Variants in DHX15 observed in about 807,000 individuals in gnomAD.
The protein encoded by DHX15 is ATP-dependent RNA helicase DHX15.
A neutral mutation model predicts 94.4 loss-of-function variants in DHX15; 11 were observed. That is an observed-to-expected ratio of 0.12 (90% CI 0.07 to 0.19). The LOEUF (loss-of-function observed/expected upper bound fraction) is 0.19. DHX15 is among the 10% of genes least tolerant of loss of function. DHX15 has a pLI of 1.00. For missense variants in DHX15, 304 were observed against 988.5 expected (o/e 0.31, Z 9.29); for synonymous variants, 338 against 329.9 (o/e 1.02, Z -0.27).
At position 24,543,035 on chromosome 4, in the gene DHX15, A is replaced by C; in HGVS notation, c.1249-9T>G. The C allele has an allele frequency of 6.3e-7, 1 of 1,580,226 alleles. No individual in the cohort carries two copies. Among genetic ancestry groups the C allele is most frequent in the East Asian group, 2.2e-5 (1 of 44,548 alleles). ...TTAGTTGACACAACTACCTGTTAAG[A>C]AATAGAGTATATAAATTATATTACA... is the stretch of plus-strand genomic sequence containing the variant. On this transcript the variant is annotated splice_polypyrimidine_tract_variant and intron_variant, in intron 6 of 13. Coordinates refer to ENST00000336812, the MANE Select transcript of DHX15 (RefSeq NM_001358.3).
chr4:24,560,074 T>C (rs1311731159), intron 3 of DHX15, among the ~76,000 whole-genome samples: 3 of 152,142 alleles, frequency 2.0e-5, no homozygotes, highest in African/African-American at 7.2e-5. Context: ...AACAGGCACA[T>C]GTAGATGGCG....
Position 24,584,204 on chromosome 4 carries a change from C to G in DHX15, c.71+119G>C. On this transcript the variant is annotated intron_variant, in intron 1 of 13. Coordinates refer to ENST00000336812, the MANE Select transcript of DHX15 (RefSeq NM_001358.3). ...CCTACCCGCCGCTAGTGAACCCAGC[C>G]CAGAGAGAAACAAAGGCTCGGGCTC... is the stretch of plus-strand genomic sequence containing the variant. 8 of 1,104,188 alleles carry G rather than the reference C, an allele frequency of 7.2e-6. No homozygotes were observed. The South Asian group carries it at 9.5e-5, about 13-fold the overall frequency. The allele number at this position is 1,104,188 out of a possible 1,614,324, so 68.4% of individuals were successfully genotyped here.
At chr4:24,580,751 C>T (rs1722392378) in intron 1 of DHX15, 1 of 152,066 alleles carries the variant, frequency 6.6e-6, no homozygotes, top group Non-Finnish European at 1.5e-5. Flanking sequence ...CTCCTGACCT[C>T]AGGTGATCCA....
chr4:24,545,870 A>G (rs1243254775), intron 6 of DHX15, among the ~76,000 whole-genome samples: 1 of 152,220 alleles, frequency 6.6e-6, no homozygotes, highest in Non-Finnish European at 1.5e-5. Context: ...AAGAGCCTTA[A>G]AAAGTGTTCA....
In DHX15 at chr4:24,547,893, G is replaced by GTA. The variant is rs1403248233; in HGVS notation, c.1248+960_1248+961dup. On this transcript the variant is annotated intron_variant, in intron 6 of 13. Transcript: ENST00000336812. ...TCTCTCTCTCTCTCTCTCTCTCTAT[G>GTA]TATGTATGTGTATATATATATATAT... 7.3e-4 allele frequency among the ~76,000 whole-genome samples: 49 copies of GTA among 66,716 alleles called. 3 individuals carry two copies. Among genetic ancestry groups the GTA allele is most frequent in the South Asian group, 2.8e-3 (4 of 1,450 alleles). The allele number at this position is 66,716 out of a possible 152,430, so 43.8% of individuals were successfully genotyped here. A position where few individuals can be genotyped will look rare whatever the true frequency, so the allele number is the denominator to read the frequency against.
intron 10 of DHX15, among the ~76,000 whole-genome samples, chr4:24,539,483 CTTAGCTTAATGGTCCAATTTTACAAAA>C (rs1177375236): frequency 6.6e-6 from 1 of 151,944 alleles, no homozygotes; most frequent in African/African-American, 2.4e-5. Flanking sequence ...GCATTATTTC[CTTAGCTTAATGGTCCAATTTTACAAAA>C]TTAGCGATTT....
chr4:24,542,375 G>A (rs1050658247), intron 7 of DHX15, among the ~76,000 whole-genome samples: 3 of 152,016 alleles, frequency 2.0e-5, no homozygotes, highest in Non-Finnish European at 4.4e-5. Flanking sequence ...TTCAAAACTC[G>A]ACGGTCTGAG....
Position 24,552,352 on chromosome 4 carries a change from T to G in DHX15, c.1080+2373A>C, listed in dbSNP as rs377164414. Among the ~76,000 whole-genome samples the G allele has an allele frequency of 5.3e-5, 8 of 152,272 alleles. No homozygotes were observed. In the East Asian group the frequency reaches 1.2e-3, roughly 22 times the overall value. On this transcript the variant is annotated intron_variant, in intron 5 of 13. Coordinates refer to ENST00000336812, the MANE Select transcript of DHX15 (RefSeq NM_001358.3). ...ACTCACTGCATGTTGAAAAAAAAAT[T>G]TACTAAGCAAAATTAAAAATAAAAT...
chr4:24,577,544 A>G (rs1383563626), intron 1 of DHX15, among the ~76,000 whole-genome samples: 1 of 152,240 alleles, frequency 6.6e-6, no homozygotes, highest in Admixed American at 6.5e-5. Flanking sequence ...TAGCCAAATT[A>G]AAAATAAGCT....
chr4:24,569,832 A>G (rs1436215510), intron 3 of DHX15, among the ~76,000 whole-genome samples: 1 of 152,178 alleles, frequency 6.6e-6, no homozygotes, highest in Non-Finnish European at 1.5e-5. Context: ...TATCACAGGC[A>G]TGATCAGAGC....
rs1166573384 is a variant in DHX15 at position 24,584,425 on chromosome 4, G to A, written c.-32C>T. Reference sequence around the variant, plus strand: ...ACTCTTCGAACGGGCAGTTATTAAGGAAGAAAGCTGGCTGCTGTATGGGCA... The same window carrying A: ...ACTCTTCGAACGGGCAGTTATTAAGAAAGAAAGCTGGCTGCTGTATGGGCA... On this transcript the variant is annotated 5_prime_UTR_variant, in exon 1 of 14. Coordinates refer to ENST00000336812, the MANE Select transcript of DHX15 (RefSeq NM_001358.3). The A allele has an allele frequency of 1.0e-5, 16 of 1,602,962 alleles. No individual in the cohort carries two copies. Among genetic ancestry groups the A allele is most frequent in the Admixed American group, 3.4e-5 (2 of 58,932 alleles).
intron 3 of DHX15, among the ~76,000 whole-genome samples, chr4:24,560,218 T>C (rs1216667950): frequency 6.6e-6 from 1 of 151,474 alleles, no homozygotes; most frequent in Non-Finnish European, 1.5e-5. Context: ...TATATTTTTG[T>C]ATTTATATAT....
chr4:24,534,711 T>C (rs909710221), intron 11 of DHX15, among the ~76,000 whole-genome samples: 2 of 152,138 alleles, frequency 1.3e-5, no homozygotes, highest in African/African-American at 2.4e-5. Context: ...TTTACATAAA[T>C]AGTATTAAGA....
At chr4:24,571,345 C>G (rs979517991) in intron 2 of DHX15, among the ~76,000 whole-genome samples, 14 of 152,166 alleles carry the variant, frequency 9.2e-5, no homozygotes, top group Non-Finnish European at 1.8e-4. Context: ...CCTATCCTTT[C>G]CCCCTCAGGA....
At chr4:24,562,730 T>A (rs1174068164) in intron 3 of DHX15, among the ~76,000 whole-genome samples, 1 of 152,144 alleles carries the variant, frequency 6.6e-6, no homozygotes, top group Non-Finnish European at 1.5e-5. Flanking sequence ...GTCAAGAGAA[T>A]TACAGTTGAC....
chr4:24,580,206 G>A (rs887037354), intron 1 of DHX15, among the ~76,000 whole-genome samples: 2 of 152,176 alleles, frequency 1.3e-5, no homozygotes, highest in African/African-American at 4.8e-5. Flanking sequence ...CCAAAAGTTT[G>A]AGACCAGCCT....
chr4:24,541,747 C>G, intron 8 of DHX15, 126 bp downstream of exon 8: 2 of 982,346 alleles, frequency 2.0e-6, no homozygotes, highest in Non-Finnish European at 2.9e-6. Context: ...ACATTTCACT[C>G]CTGGAAAAGC....
chr4:24,545,790 C>T lies in DHX15; in HGVS notation c.1249-2764G>A, dbSNP rs118174912. ...GACCTTGAATTTGTCAAGGGATTTA[C>T]ATTATGACCAGTAAGAATCAATATA... On this transcript the variant is annotated intron_variant, in intron 6 of 13. Coordinates refer to ENST00000336812, the MANE Select transcript of DHX15 (RefSeq NM_001358.3). 9.9e-5 allele frequency among the ~76,000 whole-genome samples: 15 copies of T among 152,280 alleles called. No homozygotes were observed. The East Asian group carries it at 2.9e-3, about 29-fold the overall frequency.
At position 24,576,510 on chromosome 4, in the gene DHX15, G is replaced by A. The variant is rs1369214163; in HGVS notation, c.240C>T (p.Ser80=). The A allele has an allele frequency of 6.2e-7, 1 of 1,614,140 alleles. No individual in the cohort carries two copies. The highest frequency in any genetic ancestry group is 1.7e-5 in the Admixed American group (1 of 60,008). ...CTGAGTGGGTTGAGTGAGCTGAATG[G>A]GAAGCTTTCAAAGGTGGTAATCCAG... ...ISAGLPPLKA[S]HSAHSTHSAH... Residue 80 remains serine, a synonymous_variant, in exon 2 of 14, where the codon TCC becomes TCT. Transcript: ENST00000336812.
Sources: allele counts gnomAD v4.1 joint callset (sites outside exome capture counted in the v4.1 genomes callset), GRCh38; gene constraint gnomAD v4.1.1; transcripts MANE v1.5; gene names NCBI Gene and HGNC (gene_info 2026-07-23, HGNC 2026-07-21).